ZHX2: variants seen among roughly 807,000 people sequenced by gnomAD.
ZHX2 encodes the protein zinc fingers and homeoboxes 2, also known as zinc fingers and homeoboxes protein 2.
ZHX2 carries 6 observed loss-of-function variants against 21.9 expected under a neutral mutation model. The observed-to-expected ratio is 0.27, with a 90% confidence interval of 0.15 to 0.54. ZHX2 has a LOEUF of 0.54. Among genes scored for constraint, ZHX2 ranks in the 20% least tolerant of loss-of-function variants. The pLI, the probability that ZHX2 is intolerant of heterozygous loss-of-function variation, is 0.95. For synonymous variants in ZHX2, 434 were observed against 437.1 expected (o/e 0.99, Z 0.09); for missense variants, 908 against 1,090.7 (o/e 0.83, Z 2.36).
rs566876811 is a variant in ZHX2, at chr8:122,832,971, G to A, written c.-282-30506G>A. 3.3e-5 allele frequency among the ~76,000 whole-genome samples: 5 copies of A among 152,230 alleles called. No homozygotes were observed. In the East Asian group the frequency reaches 9.7e-4, roughly 29 times the overall value. Reference sequence around the variant, plus strand: ...GAGAGTGGACGGTTTTAGGGATAAGGTAAAAAGGTCGCAAGCAAGGGCCTG... The same window carrying A: ...GAGAGTGGACGGTTTTAGGGATAAGATAAAAAGGTCGCAAGCAAGGGCCTG... On this transcript the variant is annotated intron_variant, in intron 1 of 3. Transcript: ENST00000314393.
intron 2 of ZHX2, among the ~76,000 whole-genome samples, chr8:122,932,081 G>T (rs1821007615): frequency 6.6e-6 from 1 of 152,260 alleles, no homozygotes; most frequent in Non-Finnish European, 1.5e-5. Context: ...AGCAGATCTT[G>T]GCCTTGTGAA....
In ZHX2 at chr8:122,828,896, A is replaced by G. The variant is rs186368235; in HGVS notation, c.-282-34581A>G. 1.3e-5 allele frequency among the ~76,000 whole-genome samples: 2 copies of G among 152,096 alleles called. No individual in the cohort carries two copies. The highest frequency in any genetic ancestry group is 3.9e-4 in the East Asian group (2 of 5,190). On this transcript the variant is annotated intron_variant, in intron 1 of 3. Coordinates refer to ENST00000314393, the MANE Select transcript of ZHX2 (RefSeq NM_014943.5). This position sits in a 1 kb window ranked among gnomAD's most constrained non-coding sequence, Gnocchi z 5.2. ...CAGAGTACCCAGGAGATGGCAGATA[A>G]TAATTCATTTATTTATCCACTACAA... is the stretch of plus-strand genomic sequence containing the variant.
chr8:122,950,879 T>C (rs1399920329), intron 2 of ZHX2, among the ~76,000 whole-genome samples: 1 of 152,082 alleles, frequency 6.6e-6, no homozygotes, highest in Non-Finnish European at 1.5e-5. Flanking sequence ...AATGTTCATA[T>C]CTGTTTTCTA....
At chr8:122,930,556 A>AT (rs34534125) in intron 2 of ZHX2, among the ~76,000 whole-genome samples, 9,923 of 145,076 alleles carry the variant, frequency 0.068, 746 homozygotes, top group Admixed American at 0.21. Flanking sequence ...TCCTGAGAGA[A>AT]TTTTTTTTTT....
At chr8:122,836,842 T>C (rs571726877) in intron 1 of ZHX2, among the ~76,000 whole-genome samples, 5 of 152,330 alleles carry the variant, frequency 3.3e-5, no homozygotes, top group African/African-American at 9.6e-5. Flanking sequence ...CCCCTTAAGC[T>C]TTCAGGCCCC....
At chr8:122,880,134 G>T (rs1372424920) in intron 2 of ZHX2, among the ~76,000 whole-genome samples, 1 of 151,818 alleles carries the variant, frequency 6.6e-6, no homozygotes, top group Non-Finnish European at 1.5e-5. Context: ...ACCAAACCTG[G>T]CTAATTTTTT....
chr8:122,899,938 C>T (rs1037981028), intron 2 of ZHX2, among the ~76,000 whole-genome samples: 1 of 152,212 alleles, frequency 6.6e-6, no homozygotes, highest in Non-Finnish European at 1.5e-5. Context: ...CCAGTTAAAA[C>T]TCACATTATG....
At chr8:122,961,252 T>C (rs1196010798) in intron 3 of ZHX2, among the ~76,000 whole-genome samples, 4 of 152,210 alleles carry the variant, frequency 2.6e-5, no homozygotes, top group Admixed American at 2.0e-4. Flanking sequence ...TGGTGTCTCT[T>C]CTTTTTCTTG....
In ZHX2 at chr8:122,815,654, C is replaced by T. The variant is rs184341985; in HGVS notation, c.-283+33708C>T. 306 of 153,724 alleles carry T rather than the reference C, an allele frequency of 2.0e-3. 1 individual carries two copies. Among genetic ancestry groups the T allele is most frequent in the Admixed American group, 2.3e-3 (36 of 15,356 alleles). The allele number at this position is 153,724 out of a possible 1,614,324, so 9.5% of individuals were successfully genotyped here. On this transcript the variant is annotated intron_variant, in intron 1 of 3. Transcript: ENST00000314393. ...ACTTAAACTTAGTTGATAAAGCTGCCGCAGGGTTTAAGAGGATTGACTCCA... is the reference window on the plus strand; with the variant it reads ...ACTTAAACTTAGTTGATAAAGCTGCTGCAGGGTTTAAGAGGATTGACTCCA...
chr8:122,846,330 G>A (rs1332790556), intron 1 of ZHX2, among the ~76,000 whole-genome samples: 2 of 152,156 alleles, frequency 1.3e-5, no homozygotes, highest in East Asian at 1.9e-4. Context: ...CTTCTCTGGC[G>A]GAGAGCAGGT....
At position 122,848,210 on chromosome 8, in the gene ZHX2, G is replaced by A. The variant is rs143454917; in HGVS notation, c.-282-15267G>A. The stretch of plus-strand genomic sequence containing the variant: ...TGAGAGACAGCGAGTGTGTTGTTGC[G>A]TCTCTGTGTGTGTGTGCGCCTGAAA... On this transcript the variant is annotated intron_variant, in intron 1 of 3. Transcript: ENST00000314393. Among the ~76,000 whole-genome samples the A allele has an allele frequency of 2.1e-3, 322 of 152,200 alleles. 3 individuals carry two copies. Among genetic ancestry groups the A allele is most frequent in the African/African-American group, 7.3e-3 (305 of 41,514 alleles).
chr8:122,849,217 G>A (rs1019795282), intron 1 of ZHX2, among the ~76,000 whole-genome samples: 1 of 152,162 alleles, frequency 6.6e-6, no homozygotes, highest in Non-Finnish European at 1.5e-5. Flanking sequence ...TTGTGGCTCT[G>A]AGTCTCCGTT....
At chr8:122,894,245 G>A (rs1820044799) in intron 2 of ZHX2, among the ~76,000 whole-genome samples, 1 of 152,192 alleles carries the variant, frequency 6.6e-6, no homozygotes, top group South Asian at 2.1e-4. Flanking sequence ...GGAGGACACT[G>A]GCCTTTTCTC....
Position 122,866,892 on chromosome 8 carries a change from G to A in ZHX2, c.-220+3353G>A, listed in dbSNP as rs186720048. ...CAGGCTGGAGTGCGGTGGCACGATC[G>A]CAGCTCACTGCAACCTCCATCTCCT... is the stretch of plus-strand genomic sequence containing the variant. On this transcript the variant is annotated intron_variant, in intron 2 of 3. Coordinates refer to ENST00000314393, the MANE Select transcript of ZHX2 (RefSeq NM_014943.5). 5.3e-5 allele frequency among the ~76,000 whole-genome samples: 8 copies of A among 152,098 alleles called. No homozygotes were observed. The South Asian group carries it at 6.2e-4, about 12-fold the overall frequency.
chr8:122,866,623 C>T (rs1586341563), intron 2 of ZHX2, among the ~76,000 whole-genome samples: 2 of 152,176 alleles, frequency 1.3e-5, no homozygotes, highest in African/African-American at 4.8e-5. Flanking sequence ...GCCACAGCCT[C>T]ACTTCCAATT....
At chr8:122,937,630 A>G (rs2130184148) in intron 2 of ZHX2, among the ~76,000 whole-genome samples, 1 of 150,868 alleles carries the variant, frequency 6.6e-6, no homozygotes, top group Admixed American at 6.6e-5. Context: ...CCCAGGCTGG[A>G]GTGCTGTGGC....
chr8:122,869,791 A>G (rs894378973), intron 2 of ZHX2, among the ~76,000 whole-genome samples: 3 of 152,188 alleles, frequency 2.0e-5, no homozygotes. Flanking sequence ...TAGTTCTGTG[A>G]TTCTGGATGA....
chr8:122,904,115 C>T (rs1820293783), intron 2 of ZHX2, among the ~76,000 whole-genome samples: 1 of 152,102 alleles, frequency 6.6e-6, no homozygotes, highest in South Asian at 2.1e-4. Context: ...ATATCCTAGA[C>T]TTAGAGCTGA....
At chr8:122,961,773 C>A (rs1158358992) in intron 3 of ZHX2, among the ~76,000 whole-genome samples, 1 of 152,184 alleles carries the variant, frequency 6.6e-6, no homozygotes, top group Non-Finnish European at 1.5e-5. Flanking sequence ...TCTCCCTTGA[C>A]ACATGGGGAT....
Sources: gnomAD v4.1 joint callset for allele counts (sites outside exome capture counted in the v4.1 genomes callset) on GRCh38, gnomAD v4.1.1 for gene constraint, Gnocchi (gnomAD v3.1) non-coding constraint, MANE v1.5 for transcripts, NCBI Gene and HGNC (gene_info 2026-07-23, HGNC 2026-07-21) for gene names.